PDE4D: variants seen among roughly 807,000 people sequenced by gnomAD.
PDE4D encodes the protein phosphodiesterase 4D, also known as 3',5'-cyclic-AMP phosphodiesterase 4D.
Under a neutral mutation model 87.4 loss-of-function variants are expected in PDE4D, and 24 were observed. That is an observed-to-expected ratio of 0.27 (90% CI 0.20 to 0.39). The LOEUF (loss-of-function observed/expected upper bound fraction) is 0.39. PDE4D is among the 10% of genes least tolerant of loss of function. The probability of loss-of-function intolerance (pLI) is 1.00; values close to 1 mark genes in which losing one functional copy is unlikely to be tolerated. For missense variants in PDE4D, 714 were observed against 1,041.0 expected (o/e 0.69, Z 4.32); for synonymous variants, 384 against 383.2 (o/e 1.00, Z -0.02).
chr5:59,115,366 A>G (rs932891016), intron 5 of PDE4D, among the ~76,000 whole-genome samples: 6 of 152,112 alleles, frequency 3.9e-5, no homozygotes, highest in African/African-American at 1.4e-4. Context: ...TGGTTTTCAA[A>G]TGATTTTGTA....
At chr5:60,070,397 A>G (rs1380235628) in intron 2 of PDE4D, among the ~76,000 whole-genome samples, 2 of 152,056 alleles carry the variant, frequency 1.3e-5, no homozygotes, top group Non-Finnish European at 2.9e-5. Context: ...TACTAGTTTG[A>G]GTTTTTAATT....
At chr5:60,193,609 C>T (rs1254282791) in intron 1 of PDE4D, among the ~76,000 whole-genome samples, 2 of 132,862 alleles carry the variant, frequency 1.5e-5, no homozygotes, top group Non-Finnish European at 3.1e-5. Context: ...GGGGCGGAGC[C>T]TGCAGTGAGC....
intron 11 of PDE4D, among the ~76,000 whole-genome samples, chr5:58,984,390 C>T (rs1230741882): frequency 6.6e-6 from 1 of 152,176 alleles, no homozygotes; most frequent in African/African-American, 2.4e-5. Context: ...TCTTGTCCAC[C>T]CATGTGTCCT....
At chr5:59,129,307 T>C (rs1775941003) in intron 5 of PDE4D, among the ~76,000 whole-genome samples, 1 of 152,222 alleles carries the variant, frequency 6.6e-6, no homozygotes, top group Admixed American at 6.5e-5. Context: ...TCTCCCTATG[T>C]TGCCCAGGCT....
At chr5:60,085,790 G>T (rs748234784) in intron 2 of PDE4D, among the ~76,000 whole-genome samples, 20 of 152,108 alleles carry the variant, frequency 1.3e-4, no homozygotes, top group Non-Finnish European at 2.5e-4. Context: ...ATGCTATTTT[G>T]ATTTGAGTTT....
At chr5:59,234,809 C>A (rs533319048) in intron 1 of PDE4D, among the ~76,000 whole-genome samples, 3 of 152,176 alleles carry the variant, frequency 2.0e-5, no homozygotes, top group African/African-American at 7.2e-5. Context: ...ACTTTGCTGA[C>A]CTTTGAAATT....
chr5:59,796,251 CT>C (rs1766465691), intron 1 of PDE4D, among the ~76,000 whole-genome samples: 1 of 152,170 alleles, frequency 6.6e-6, no homozygotes, highest in Non-Finnish European at 1.5e-5. Flanking sequence ...CATTTTGAAT[CT>C]CACCAGAAAC....
intron 5 of PDE4D, among the ~76,000 whole-genome samples, chr5:59,141,743 G>A (rs1025692087): frequency 6.6e-6 from 1 of 152,148 alleles, no homozygotes; most frequent in Non-Finnish European, 1.5e-5. Flanking sequence ...TGTGGACATC[G>A]GCAGGCAGCC....
At chr5:59,960,563 T>C (rs1759353184) in intron 3 of PDE4D, among the ~76,000 whole-genome samples, 1 of 152,132 alleles carries the variant, frequency 6.6e-6, no homozygotes, top group African/African-American at 2.4e-5. Flanking sequence ...GCAACATGGA[T>C]GCAGCCATAA....
chr5:59,547,254 CATT>C (rs1384979271), intron 1 of PDE4D, among the ~76,000 whole-genome samples: 1 of 152,062 alleles, frequency 6.6e-6, no homozygotes, highest in Non-Finnish European at 1.5e-5. Flanking sequence ...AAATTTGTAA[CATT>C]ATCTGTGAAT....
intron 1 of PDE4D, among the ~76,000 whole-genome samples, chr5:60,238,754 G>A (rs1746724180): frequency 6.6e-6 from 1 of 151,650 alleles, no homozygotes; most frequent in South Asian, 2.1e-4. Flanking sequence ...ATTAATTTTT[G>A]TTGGTTGTAT....
chr5:60,388,581 C>T (rs73108638), intron 1 of PDE4D, among the ~76,000 whole-genome samples: 24,273 of 151,928 alleles, frequency 0.16, 2,396 homozygotes, highest in African/African-American at 0.28. Flanking sequence ...TGAGAACATG[C>T]GGTGCTTGGT....
intron 1 of PDE4D, among the ~76,000 whole-genome samples, chr5:59,839,480 A>G (rs55792350): frequency 0.01 from 1,544 of 151,066 alleles, 34 homozygotes; most frequent in African/African-American, 0.036. Context: ...TTTTTTCCTT[A>G]CCATTCAATT....
chr5:59,594,289 T>A (rs1424390955), intron 1 of PDE4D, among the ~76,000 whole-genome samples: 1 of 145,866 alleles, frequency 6.9e-6, no homozygotes, highest in Non-Finnish European at 1.5e-5. Context: ...CATAACTTTT[T>A]TATTTTATTT....
At chr5:60,220,007 CTAG>C (rs1403135314) in intron 1 of PDE4D, among the ~76,000 whole-genome samples, 1 of 152,126 alleles carries the variant, frequency 6.6e-6, no homozygotes, top group Non-Finnish European at 1.5e-5. Context: ...CTTGAATGGA[CTAG>C]TATAGTTCAC....
intron 1 of PDE4D, among the ~76,000 whole-genome samples, chr5:59,405,651 C>T (rs964777762): frequency 1.3e-5 from 2 of 152,104 alleles, no homozygotes; most frequent in Non-Finnish European, 2.9e-5. Context: ...TTTCCCCATT[C>T]GATATGATAC....
chr5:60,295,813 C>G (rs1753329560), intron 1 of PDE4D, among the ~76,000 whole-genome samples: 1 of 152,162 alleles, frequency 6.6e-6, no homozygotes, highest in Non-Finnish European at 1.5e-5. Flanking sequence ...TCACCTATGT[C>G]TTTAGATCCC....
chr5:60,292,794 C>A (rs1306538318), intron 1 of PDE4D, among the ~76,000 whole-genome samples: 1 of 152,088 alleles, frequency 6.6e-6, no homozygotes, highest in African/African-American at 2.4e-5. Context: ...TTGAGTAATA[C>A]CATTTATTAA....
chr5:59,195,148 T>C (rs755849972), intron 2 of PDE4D, among the ~76,000 whole-genome samples: 11 of 152,182 alleles, frequency 7.2e-5, no homozygotes, highest in Non-Finnish European at 1.6e-4. Flanking sequence ...AACTGTAAGA[T>C]ATAAACTTCT....
Sources: allele counts gnomAD v4.1 joint callset (sites outside exome capture counted in the v4.1 genomes callset), GRCh38; gene constraint gnomAD v4.1.1; transcripts MANE v1.5; gene names NCBI Gene and HGNC (gene_info 2026-07-23, HGNC 2026-07-21).